Variants in WASF3 observed in about 807,000 individuals in gnomAD.
WASF3 encodes the protein actin-binding protein WASF3.
In WASF3, 11 loss-of-function variants were observed where a neutral mutation model predicts 46.6. The ratio of observed to expected loss-of-function variants is 0.24; its 90% CI spans 0.15 to 0.39. The LOEUF is 0.39. Among genes scored for constraint, WASF3 ranks in the 10% least tolerant of loss-of-function variants. The pLI, the probability that WASF3 is intolerant of heterozygous loss-of-function variation, is 1.00. For missense variants in WASF3, 576 were observed against 669.8 expected (o/e 0.86, Z 1.55); for synonymous variants, 242 against 259.7 (o/e 0.93, Z 0.65).
At chr13:26,645,219 T>A (rs1455926436) in intron 3 of WASF3, among the ~76,000 whole-genome samples, 1 of 152,184 alleles carries the variant, frequency 6.6e-6, no homozygotes, top group East Asian at 1.9e-4. Context: ...TTAGTGCCCT[T>A]ATTAAAAAGG....
intron 1 of WASF3, among the ~76,000 whole-genome samples, chr13:26,559,139 T>C (rs920961474): frequency 1.3e-5 from 2 of 152,220 alleles, no homozygotes; most frequent in African/African-American, 4.8e-5. Flanking sequence ...CCAAAGGCAT[T>C]CTCATTGTGT....
chr13:26,596,043 G>C (rs1880450578), intron 1 of WASF3, among the ~76,000 whole-genome samples: 1 of 151,000 alleles, frequency 6.6e-6, no homozygotes. Context: ...AGTTTTGTAA[G>C]AATGTGCCAA....
At chr13:26,644,968 C>T (rs917047935) in intron 3 of WASF3, among the ~76,000 whole-genome samples, 1 of 152,196 alleles carries the variant, frequency 6.6e-6, no homozygotes, top group East Asian at 1.9e-4. Flanking sequence ...CCCTTCCTCA[C>T]TTCAGGTTCG....
At position 26,687,434 on chromosome 13, in the gene WASF3, G is replaced by T. The variant is rs1232063165; in HGVS notation, c.*1589G>T. The T allele has an allele frequency of 6.6e-6, 1 of 152,280 alleles. No homozygotes were observed. The highest frequency in any genetic ancestry group is 2.4e-5 in the African/African-American group (1 of 41,452). 9.4% of individuals were successfully genotyped at this position (152,280 alleles called of 1,614,324 possible). A position where few individuals can be genotyped will look rare whatever the true frequency, so the allele number is the denominator to read the frequency against. ...CAGCCAGCCCCGAAGTCCCCTCAGT[G>T]TGTGTGTCTCGAGTGGCTACCTGTT... On this transcript the variant is annotated 3_prime_UTR_variant, in exon 10 of 10. Transcript: ENST00000335327.
In WASF3 at chr13:26,684,914, C is replaced by G. The variant is rs150888895; in HGVS notation, c.1352-774C>G. ...CTTGGGCAACATTGCAAGACTCTAT[C>G]TCTACAAAAAAGAAAATACAAAATT... On this transcript the variant is annotated intron_variant, in intron 9 of 9. Coordinates refer to ENST00000335327, the MANE Select transcript of WASF3 (RefSeq NM_006646.6). 2.4e-4 allele frequency among the ~76,000 whole-genome samples: 37 copies of G among 152,182 alleles called. 1 individual carries two copies. The East Asian group carries it at 7.0e-3, about 29-fold the overall frequency.
At chr13:26,568,517 C>G (rs569954947) in intron 1 of WASF3, among the ~76,000 whole-genome samples, 1 of 152,224 alleles carries the variant, frequency 6.6e-6, no homozygotes, top group East Asian at 1.9e-4. Flanking sequence ...GATTGTATAT[C>G]AGAGCTCTGA....
At chr13:26,565,829 T>A (rs1012166638) in intron 1 of WASF3, among the ~76,000 whole-genome samples, 3 of 152,216 alleles carry the variant, frequency 2.0e-5, no homozygotes, top group African/African-American at 7.2e-5. Context: ...ATGCCTGAGC[T>A]ATAATTGAAA....
chr13:26,595,380 AAAG>A, intron 1 of WASF3, among the ~76,000 whole-genome samples: 1 of 152,336 alleles, frequency 6.6e-6, no homozygotes, highest in African/African-American at 2.4e-5. Context: ...ACATGGCAAA[AAAG>A]AAGTTCACAG....
At chr13:26,654,869 GA>G (rs988730741) in intron 3 of WASF3, among the ~76,000 whole-genome samples, 1 of 151,868 alleles carries the variant, frequency 6.6e-6, no homozygotes. Flanking sequence ...TTTTATAGGA[GA>G]AAAAATAGGT....
At chr13:26,571,998 T>C (rs1341248773) in intron 1 of WASF3, among the ~76,000 whole-genome samples, 2 of 152,262 alleles carry the variant, frequency 1.3e-5, no homozygotes, top group Non-Finnish European at 2.9e-5. Flanking sequence ...ACATTCTAAC[T>C]GGTTATTCTT....
upstream of WASF3, among the ~76,000 whole-genome samples, chr13:26,555,134 A>T (rs1350093548): frequency 6.6e-6 from 1 of 151,928 alleles, no homozygotes; most frequent in African/African-American, 2.4e-5. Flanking sequence ...TTTTGTTTTA[A>T]TTTGCAATTC....
intron 3 of WASF3, among the ~76,000 whole-genome samples, chr13:26,662,401 C>T (rs1022465166): frequency 3.9e-5 from 6 of 152,200 alleles, no homozygotes; most frequent in Admixed American, 6.5e-5. Context: ...TGGAATCCAC[C>T]TGAGTACCTA....
At chr13:26,675,511 C>T (rs1883040888) in intron 6 of WASF3, among the ~76,000 whole-genome samples, 1 of 147,480 alleles carries the variant, frequency 6.8e-6, no homozygotes, top group Admixed American at 6.7e-5. Context: ...CACACACACA[C>T]ACACACACAC....
chr13:26,595,483 T>C (rs533579163), intron 1 of WASF3, among the ~76,000 whole-genome samples: 2 of 152,346 alleles, frequency 1.3e-5, no homozygotes, highest in African/African-American at 4.8e-5. Context: ...TACTGGTACG[T>C]ACTAACGACC....
intron 1 of WASF3, among the ~76,000 whole-genome samples, chr13:26,559,840 G>T (rs1281028372): frequency 3.0e-5 from 2 of 66,658 alleles, no homozygotes; most frequent in African/African-American, 5.8e-5. Context: ...TTTTTGAGAC[G>T]GAGTCTTGCT....
At chr13:26,594,680 A>G (rs67189445) in intron 1 of WASF3, among the ~76,000 whole-genome samples, 7,582 of 151,562 alleles carry the variant, frequency 0.05, 651 homozygotes, top group African/African-American at 0.17. Context: ...GTTCCTTCCA[A>G]CTCTCCCGGT....
chr13:26,667,440 T>C lies in WASF3; in HGVS notation c.269-77T>C, dbSNP rs796898567. ...TTGTTCTAGGAGGTGTTTTTAATTG[T>C]GAGTCAAATGGTATTTACTTCTAAA... On this transcript the variant is annotated intron_variant, in intron 4 of 9. Transcript: ENST00000335327. 9.8e-6 allele frequency: 13 copies of C among 1,326,070 alleles called. No homozygotes were observed. The African/African-American group carries it at 1.9e-4, about 20-fold the overall frequency. The allele number at this position is 1,326,070 out of a possible 1,614,324, so 82.1% of individuals were successfully genotyped here. A position where few individuals can be genotyped will look rare whatever the true frequency, so the allele number is the denominator to read the frequency against.
chr13:26,563,509 G>A (rs901724968), intron 1 of WASF3, among the ~76,000 whole-genome samples: 1 of 151,934 alleles, frequency 6.6e-6, no homozygotes, highest in East Asian at 1.9e-4. Context: ...ACAAAAATTA[G>A]CCAGTTGTAG....
rs868804127 is a variant in WASF3, at chr13:26,558,390, C to T, written c.-109+571C>T. On this transcript the variant is annotated intron_variant, in intron 1 of 9. Transcript: ENST00000335327. ...CCTCTCCCTCGAGGCTGCGGTGCCG[C>T]GTGGCTCCCGGCCTCGGAGACCAGG... Among the ~76,000 whole-genome samples, 33 of 149,114 alleles carry T rather than the reference C, an allele frequency of 2.2e-4. 1 individual carries two copies. Among genetic ancestry groups the T allele is most frequent in the African/African-American group, 7.5e-4 (31 of 41,282 alleles).
Sources: gnomAD v4.1 joint callset for allele counts (sites outside exome capture counted in the v4.1 genomes callset) on GRCh38, gnomAD v4.1.1 for gene constraint, MANE v1.5 for transcripts, NCBI Gene and HGNC (gene_info 2026-07-23, HGNC 2026-07-21) for gene names.